MDGA2: variants seen among roughly 807,000 people sequenced by gnomAD.
MDGA2 encodes the protein MAM domain-containing glycosylphosphatidylinositol anchor protein 2.
A neutral mutation model predicts 117.8 loss-of-function variants in MDGA2; 40 were observed. That is an observed-to-expected ratio of 0.34 (90% CI 0.26 to 0.44). The LOEUF (loss-of-function observed/expected upper bound fraction) is 0.44, where lower values mean the gene tolerates loss of function less well. MDGA2 is among the 20% of genes least tolerant of loss of function. The probability of loss-of-function intolerance (pLI) is 1.00; values close to 1 mark genes in which losing one functional copy is unlikely to be tolerated. For synonymous variants in MDGA2, 452 were observed against 439.0 expected (o/e 1.03, Z -0.37); for missense variants, 1,123 against 1,250.6 (o/e 0.90, Z 1.54).
chr14:47,425,862 CT>C (rs1892677969), intron 1 of MDGA2, among the ~76,000 whole-genome samples: 2 of 151,846 alleles, frequency 1.3e-5, no homozygotes, highest in Admixed American at 1.3e-4. Context: ...TTTATCAAAG[CT>C]ACGAAATTAA....
intron 1 of MDGA2, among the ~76,000 whole-genome samples, chr14:47,449,436 A>AT (rs1893194070): frequency 6.6e-6 from 1 of 152,146 alleles, no homozygotes; most frequent in South Asian, 2.1e-4. Context: ...TAGTCTTTTC[A>AT]TAAGTAGGGA....
intron 7 of MDGA2, among the ~76,000 whole-genome samples, chr14:47,049,700 TAG>T (rs1566592822): frequency 6.6e-6 from 1 of 152,058 alleles, no homozygotes; most frequent in African/African-American, 2.4e-5. Flanking sequence ...ACCCTATATA[TAG>T]AGGGCTGACT....
chr14:47,666,723 A>G (rs972090213), intron 1 of MDGA2, among the ~76,000 whole-genome samples: 6 of 152,110 alleles, frequency 3.9e-5, no homozygotes, highest in Non-Finnish European at 8.8e-5. Flanking sequence ...CCCCTTCCAC[A>G]CTGTGGAAGC....
chr14:47,641,742 AG>A (rs1897429282), intron 1 of MDGA2, among the ~76,000 whole-genome samples: 1 of 152,168 alleles, frequency 6.6e-6, no homozygotes, highest in Non-Finnish European at 1.5e-5. Context: ...TTAAATAATT[AG>A]AAAGTTTTGC....
rs537928892 is a variant in MDGA2 at position 47,665,763 on chromosome 14, C to T, written c.280+8754G>A. Reference sequence around the variant, plus strand: ...TTTCTTGTCCAGCCTTAGCTGCCTCCCTGCGGGGCAGGGCTCGGGACTAGC... The same window carrying T: ...TTTCTTGTCCAGCCTTAGCTGCCTCTCTGCGGGGCAGGGCTCGGGACTAGC... On this transcript the variant is annotated intron_variant, in intron 1 of 16. Coordinates refer to ENST00000399232, the MANE Select transcript of MDGA2 (RefSeq NM_001113498.3). Among the ~76,000 whole-genome samples the T allele has an allele frequency of 8.6e-5, 13 of 151,764 alleles. No individual in the cohort carries two copies. The East Asian group carries it at 2.2e-3, about 25-fold the overall frequency.
intron 9 of MDGA2, among the ~76,000 whole-genome samples, chr14:46,947,848 T>TC (rs1448340861): frequency 7.3e-5 from 11 of 151,544 alleles, no homozygotes; most frequent in African/African-American, 2.7e-4. Context: ...AAAAAAAAAA[T>TC]CTCAGTTATT....
At chr14:46,907,367 A>G (rs28618171) in intron 10 of MDGA2, among the ~76,000 whole-genome samples, 3,991 of 152,182 alleles carry the variant, frequency 0.026, 176 homozygotes, top group African/African-American at 0.09. Context: ...CATTCTAACA[A>G]TTTGAGAATA....
intron 6 of MDGA2, among the ~76,000 whole-genome samples, chr14:47,081,765 A>G (rs1169366859): frequency 6.6e-6 from 1 of 152,124 alleles, no homozygotes; most frequent in African/African-American, 2.4e-5. Flanking sequence ...GACATATCCA[A>G]TTAGGGAAGA....
intron 1 of MDGA2, among the ~76,000 whole-genome samples, chr14:47,318,553 C>T (rs1249251254): frequency 6.6e-6 from 1 of 152,150 alleles, no homozygotes; most frequent in African/African-American, 2.4e-5. Flanking sequence ...TACAGTTTTA[C>T]ACACATATCT....
At chr14:47,520,751 C>A (rs890021197) in intron 1 of MDGA2, among the ~76,000 whole-genome samples, 2 of 152,264 alleles carry the variant, frequency 1.3e-5, no homozygotes, top group African/African-American at 2.4e-5. Context: ...CTTTAGAACA[C>A]TGAAGGAACC....
chr14:46,854,458 C>CA (rs2138298682), intron 15 of MDGA2, among the ~76,000 whole-genome samples: 1 of 151,792 alleles, frequency 6.6e-6, no homozygotes, highest in Non-Finnish European at 1.5e-5. Context: ...GCCAGTGTGG[C>CA]AGTCTTTACA....
At position 46,957,495 on chromosome 14, in the gene MDGA2, T is replaced by A; in HGVS notation, c.1968A>T (p.Gln656His). ...ACTCTGTGTATTCCTGAGAGTCAAA[T>A]TGACCCGTCCGTAATAATTTATTGC... Reference protein sequence around the residue: ...RLGNKLLRTGQFDSQEYTEYA... With the variant: ...RLGNKLLRTGHFDSQEYTEYA... The change falls in exon 9 of 17, where the codon CAA becomes CAT. Residue 656 changes from glutamine to histidine, a missense_variant. By Grantham distance (24) the Gln-to-His change is conservative. This residue lies in a region of MDGA2 where 890 missense variants were observed against 1,050.3 expected (regional missense o/e 0.85). Coordinates refer to ENST00000399232, the MANE Select transcript of MDGA2 (RefSeq NM_001113498.3). The A allele has an allele frequency of 1.2e-6, 2 of 1,614,136 alleles. No homozygotes were observed. The highest frequency in any genetic ancestry group is 1.7e-6 in the Non-Finnish European group (2 of 1,180,022).
At chr14:46,848,922 A>G (rs565652537) in intron 15 of MDGA2, among the ~76,000 whole-genome samples, 2 of 152,104 alleles carry the variant, frequency 1.3e-5, no homozygotes, top group South Asian at 4.1e-4. Context: ...TGAATATTTC[A>G]CCCCTTGGTG....
chr14:46,845,932 T>A, intron 15 of MDGA2, 61 bp from the exon 16 acceptor site: 5 of 1,234,218 alleles, frequency 4.1e-6, no homozygotes, highest in Non-Finnish European at 5.9e-6. Context: ...CAGTTTCTCT[T>A]GAGAAATCAA....
intron 2 of MDGA2, among the ~76,000 whole-genome samples, chr14:47,243,531 C>A (rs892346964): frequency 2.6e-5 from 4 of 151,644 alleles, no homozygotes; most frequent in Admixed American, 1.3e-4. Flanking sequence ...TGCAGCTTCA[C>A]TCCTGAGCCC....
At chr14:47,129,577 C>T (rs1373255229) in intron 5 of MDGA2, among the ~76,000 whole-genome samples, 1 of 148,500 alleles carries the variant, frequency 6.7e-6, no homozygotes, top group Non-Finnish European at 1.5e-5. Flanking sequence ...TTTATAGCAG[C>T]ATGATTTATA....
chr14:47,620,058 T>C (rs527930627), intron 1 of MDGA2, among the ~76,000 whole-genome samples: 2 of 152,322 alleles, frequency 1.3e-5, no homozygotes, highest in African/African-American at 2.4e-5. Flanking sequence ...ATCCCTGGCT[T>C]AATGCCGGCA....
chr14:47,423,416 G>A (rs979940472), intron 1 of MDGA2, among the ~76,000 whole-genome samples: 6 of 152,048 alleles, frequency 3.9e-5, no homozygotes, highest in East Asian at 1.9e-4. Context: ...TGCTTTACGC[G>A]CACTGTTCAC....
chr14:47,477,110 C>T (rs368144586), intron 1 of MDGA2, among the ~76,000 whole-genome samples: 30 of 152,186 alleles, frequency 2.0e-4, no homozygotes, highest in African/African-American at 6.5e-4. Flanking sequence ...TGCAGTGAGC[C>T]GAGATCGTGC....
Sources: allele counts gnomAD v4.1 joint callset (sites outside exome capture counted in the v4.1 genomes callset), GRCh38; gene constraint gnomAD v4.1.1; regional missense constraint gnomAD v4.1.1; transcripts MANE v1.5; gene names NCBI Gene and HGNC (gene_info 2026-07-23, HGNC 2026-07-21).